GPC6: variants seen among roughly 807,000 people sequenced by gnomAD.
GPC6 encodes glypican-6.
In GPC6, 14 loss-of-function variants were observed where a neutral mutation model predicts 55.2. The observed-to-expected ratio is 0.25, with a 90% CI of 0.17 to 0.40. The LOEUF (loss-of-function observed/expected upper bound fraction) is 0.40. GPC6 is among the 10% of genes least tolerant of loss of function. The probability of loss-of-function intolerance (pLI) is 1.00; values close to 1 mark genes in which losing one functional copy is unlikely to be tolerated. For synonymous variants in GPC6, 278 were observed against 259.6 expected, an observed-to-expected ratio of 1.07 and a Z score of -0.68; for missense variants, 641 against 708.5, an observed-to-expected ratio of 0.90 and a Z score of 1.08.
intron 3 of GPC6, 65 bp downstream of exon 3, chr13:93,830,610 T>C: frequency 1.2e-6 from 1 of 857,186 alleles, no homozygotes; most frequent in Non-Finnish European, 1.6e-6. Context: ...AAAACCAATG[T>C]TTAAAAAAAA....
chr13:94,150,242 T>G (rs1426684530), intron 4 of GPC6, among the ~76,000 whole-genome samples: 2 of 152,126 alleles, frequency 1.3e-5, no homozygotes, highest in Non-Finnish European at 2.9e-5. Flanking sequence ...ACTGGTCCAC[T>G]TAATTCTATT....
intron 3 of GPC6, among the ~76,000 whole-genome samples, chr13:93,990,474 G>A (rs1881247546): frequency 6.6e-6 from 1 of 152,038 alleles, no homozygotes; most frequent in Admixed American, 6.6e-5. Context: ...AACATAGGAT[G>A]TGAAATTTTG....
chr13:93,302,124 G>A (rs1878702111), intron 1 of GPC6, among the ~76,000 whole-genome samples: 1 of 152,144 alleles, frequency 6.6e-6, no homozygotes, highest in Admixed American at 6.5e-5. Flanking sequence ...CTCTGTTTAT[G>A]AGCAAGGATG....
chr13:93,682,586 A>G (rs377449632), intron 2 of GPC6, among the ~76,000 whole-genome samples: 53 of 152,294 alleles, frequency 3.5e-4, no homozygotes, highest in African/African-American at 1.2e-3. Flanking sequence ...AACTGATTTT[A>G]GAAGGCACAT....
chr13:94,069,968 G>C (rs915582211), intron 4 of GPC6, among the ~76,000 whole-genome samples: 2 of 152,060 alleles, frequency 1.3e-5, no homozygotes, highest in Admixed American at 1.3e-4. Context: ...ACATTTTTGG[G>C]TATCTTTTTA....
chr13:94,089,433 T>A (rs1020537112), intron 4 of GPC6, among the ~76,000 whole-genome samples: 5 of 152,208 alleles, frequency 3.3e-5, no homozygotes, highest in Non-Finnish European at 7.3e-5. Context: ...ATAGAAAGGA[T>A]TCTTACATCC....
intron 6 of GPC6, among the ~76,000 whole-genome samples, chr13:94,361,691 T>C (rs1383430032): frequency 6.6e-6 from 1 of 152,232 alleles, no homozygotes; most frequent in African/African-American, 2.4e-5. Flanking sequence ...CAAGTAAATC[T>C]TGTAAATGTA....
intron 6 of GPC6, among the ~76,000 whole-genome samples, chr13:94,378,472 A>C (rs555583786): frequency 6.6e-6 from 1 of 152,270 alleles, no homozygotes; most frequent in East Asian, 1.9e-4. Context: ...TCTTTTGTCT[A>C]ATTTTACAGT....
chr13:93,595,146 T>A (rs1366152556), intron 2 of GPC6, among the ~76,000 whole-genome samples: 2 of 152,208 alleles, frequency 1.3e-5, no homozygotes, highest in Admixed American at 1.3e-4. Flanking sequence ...TCTTTTTAAA[T>A]TTATATTATA....
chr13:94,016,460 T>C (rs1311957906), intron 3 of GPC6, among the ~76,000 whole-genome samples: 1 of 152,188 alleles, frequency 6.6e-6, no homozygotes, highest in Non-Finnish European at 1.5e-5. Context: ...TACCCAGAAG[T>C]GGCATTGCTA....
chr13:94,136,995 C>G lies in GPC6; in HGVS notation c.877+109101C>G, dbSNP rs183393794. On this transcript the variant is annotated intron_variant, in intron 4 of 8. Transcript: ENST00000377047. ...AGTTTACATCAGTAAGACTCAATGA[C>G]TGATTGGATTTGCGGGCAAAGGAGA... Among the ~76,000 whole-genome samples the G allele has an allele frequency of 3.9e-5, 6 of 152,232 alleles. No homozygotes were observed. The South Asian group carries it at 1.0e-3, about 26-fold the overall frequency.
intron 2 of GPC6, among the ~76,000 whole-genome samples, chr13:93,790,693 CAAGT>C (rs1886002778): frequency 6.6e-6 from 1 of 152,096 alleles, no homozygotes; most frequent in African/African-American, 2.4e-5. Context: ...AATATGAAGA[CAAGT>C]AAGACACAGT....
chr13:93,727,271 T>C (rs1183450595), intron 2 of GPC6, among the ~76,000 whole-genome samples: 1 of 152,196 alleles, frequency 6.6e-6, no homozygotes, highest in Admixed American at 6.6e-5. Flanking sequence ...AAATATGGAC[T>C]CTGTTCAGGA....
rs1566638339 is a variant in GPC6 at position 94,288,930 on chromosome 13, T to TAG, written c.1008+2452_1008+2453insGA. On this transcript the variant is annotated intron_variant, in intron 5 of 8. Transcript: ENST00000377047. The stretch of plus-strand genomic sequence containing the variant: ...ATATATTTGTTATATATATAACAAA[T>TAG]ATAGATAGATAGATAGATAGATATA... Among the ~76,000 whole-genome samples, 307 of 108,192 alleles carry TAG rather than the reference T, an allele frequency of 2.8e-3. 3 individuals are homozygous for TAG. The highest frequency in any genetic ancestry group is 0.014 in the African/African-American group (293 of 20,672). 71.0% of individuals were successfully genotyped at this position (108,192 alleles called of 152,430 possible).
chr13:93,426,826 A>G (rs1877147017), intron 1 of GPC6, among the ~76,000 whole-genome samples: 2 of 150,304 alleles, frequency 1.3e-5, no homozygotes, highest in South Asian at 4.2e-4. Context: ...GACTTCCACA[A>G]TGGTTGAACT....
intron 2 of GPC6, among the ~76,000 whole-genome samples, chr13:93,568,816 T>G (rs922515564): frequency 6.6e-6 from 1 of 152,204 alleles, no homozygotes; most frequent in African/African-American, 2.4e-5. Context: ...TTTCTAAAAC[T>G]AATGATTCTC....
At chr13:93,283,246 T>C (rs1878005576) in intron 1 of GPC6, among the ~76,000 whole-genome samples, 1 of 152,202 alleles carries the variant, frequency 6.6e-6, no homozygotes, top group Non-Finnish European at 1.5e-5. Context: ...ATCTTATTTA[T>C]CTTTAGTTAG....
At chr13:94,036,619 G>A (rs1239602086) in intron 4 of GPC6, among the ~76,000 whole-genome samples, 1 of 151,990 alleles carries the variant, frequency 6.6e-6, no homozygotes, top group Non-Finnish European at 1.5e-5. Context: ...TCTACTGGGT[G>A]AAATGAGTAA....
chr13:93,265,594 C>T (rs7997563), intron 1 of GPC6, among the ~76,000 whole-genome samples: 5,877 of 152,150 alleles, frequency 0.039, 368 homozygotes, highest in African/African-American at 0.13. Flanking sequence ...TAAGCATATG[C>T]AAATATTTGA....
Sources: allele counts gnomAD v4.1 joint callset (sites outside exome capture counted in the v4.1 genomes callset), GRCh38; gene constraint gnomAD v4.1.1; transcripts MANE v1.5; gene names NCBI Gene and HGNC (gene_info 2026-07-23, HGNC 2026-07-21).